TIAM1: variants seen among roughly 807,000 people sequenced by gnomAD.
TIAM1 encodes TIAM Rac1 associated GEF 1, also known as rho guanine nucleotide exchange factor TIAM1.
TIAM1 carries 65 observed loss-of-function variants against 163.5 expected under a neutral mutation model. That is an observed-to-expected ratio of 0.40 (90% confidence interval 0.33 to 0.49). TIAM1 has a LOEUF of 0.49. TIAM1 is among the 20% of genes least tolerant of loss of function. TIAM1 has a pLI of 0.77. For synonymous variants in TIAM1, 833 were observed against 810.1 expected, an observed-to-expected ratio of 1.03 and a Z score of -0.48; for missense variants, 1,789 against 2,044.7, an observed-to-expected ratio of 0.87 and a Z score of 2.41.
chr21:31,477,197 C>G (rs997836879), intron 1 of TIAM1, among the ~76,000 whole-genome samples: 1 of 152,164 alleles, frequency 6.6e-6, no homozygotes, highest in South Asian at 2.1e-4. Flanking sequence ...GAGGTTTCCA[C>G]AGTCTGTGAA....
chr21:31,266,393 T>C lies in TIAM1; in HGVS notation c.580A>G (p.Thr194Ala). Reference protein sequence around the residue: ...SLSDLSQEHLTSNEEILGSAE... With the variant: ...SLSDLSQEHLASNEEILGSAE... ...GAACCCAAGATTTCTTCGTTGCTTG[T>C]TAAATGTTCTTGGCTCAGATCAGAG... The change falls in exon 4 of 28, where the codon ACA becomes GCA. Residue 194 changes from threonine to alanine, a missense_variant. Transcript: ENST00000541036. The C allele has an allele frequency of 6.2e-7, 1 of 1,614,236 alleles. No homozygotes were observed. Among genetic ancestry groups the C allele is most frequent in the South Asian group, 1.1e-5 (1 of 91,080 alleles).
intron 2 of TIAM1, among the ~76,000 whole-genome samples, chr21:31,338,558 T>C (rs1033872930): frequency 2.0e-5 from 3 of 152,176 alleles, no homozygotes; most frequent in Non-Finnish European, 4.4e-5. Context: ...AACGTGACCG[T>C]TCCCACTTAG....
chr21:31,294,903 G>C (rs2074175629), intron 2 of TIAM1, among the ~76,000 whole-genome samples: 1 of 152,180 alleles, frequency 6.6e-6, no homozygotes, highest in Non-Finnish European at 1.5e-5. Flanking sequence ...CACCTGTTTG[G>C]TTCTGTTTCT....
chr21:31,272,020 T>A (rs933087992), intron 3 of TIAM1, among the ~76,000 whole-genome samples: 1 of 152,304 alleles, frequency 6.6e-6, no homozygotes, highest in East Asian at 1.9e-4. Context: ...CATAAACCCA[T>A]TGTAAGGTGA....
chr21:31,341,372 T>C (rs1435194075), intron 1 of TIAM1, among the ~76,000 whole-genome samples: 1 of 152,236 alleles, frequency 6.6e-6, no homozygotes, highest in Non-Finnish European at 1.5e-5. Context: ...GCATCCTTTC[T>C]GATATACTTA....
At chr21:31,418,942 C>A (rs1456312051) in intron 2 of TIAM1, among the ~76,000 whole-genome samples, 1 of 152,192 alleles carries the variant, frequency 6.6e-6, no homozygotes, top group Non-Finnish European at 1.5e-5. Context: ...CCAGCCCCCA[C>A]CGAGCGGTCT....
At chr21:31,394,641 A>G (rs1163528380) in intron 2 of TIAM1, among the ~76,000 whole-genome samples, 1 of 150,886 alleles carries the variant, frequency 6.6e-6, no homozygotes, top group Non-Finnish European at 1.5e-5. Flanking sequence ...TTTCCACCCA[A>G]TTTGGCTGGC....
chr21:31,259,139 C>CTTTTT (rs11381586), intron 4 of TIAM1, among the ~76,000 whole-genome samples: 2 of 150,246 alleles, frequency 1.3e-5, no homozygotes, highest in Non-Finnish European at 1.5e-5. Flanking sequence ...TTTTTTTTTC[C>CTTTTT]TTTTTCTTTT....
chr21:31,139,849 C>G (rs1388544954), intron 22 of TIAM1, among the ~76,000 whole-genome samples: 1 of 152,150 alleles, frequency 6.6e-6, no homozygotes, highest in Non-Finnish European at 1.5e-5. Context: ...TCTTTGAGAG[C>G]CTGTGCGATT....
At chr21:31,157,357 AC>A (rs1252584106) in intron 16 of TIAM1, among the ~76,000 whole-genome samples, 4 of 152,360 alleles carry the variant, frequency 2.6e-5, no homozygotes, top group East Asian at 1.9e-4. Flanking sequence ...GGCACCTCCT[AC>A]CATCATGCAG....
chr21:31,362,266 G>C (rs1487219210), intron 2 of TIAM1, among the ~76,000 whole-genome samples: 1 of 151,898 alleles, frequency 6.6e-6, no homozygotes, highest in Non-Finnish European at 1.5e-5. Flanking sequence ...TCTCTCTCTG[G>C]TGTCACTGGA....
At chr21:31,337,515 G>A (rs370452477) in intron 2 of TIAM1, among the ~76,000 whole-genome samples, 62 of 99,334 alleles carry the variant, frequency 6.2e-4, no homozygotes, top group African/African-American at 2.4e-3. Flanking sequence ...TATTATTATT[G>A]TTGTTATTAT....
chr21:31,255,949 C>G (rs192049010), intron 4 of TIAM1, among the ~76,000 whole-genome samples: 4 of 152,338 alleles, frequency 2.6e-5, no homozygotes, highest in Non-Finnish European at 5.9e-5. Flanking sequence ...TGCCATTCCA[C>G]TGGCAGCTTC....
chr21:31,528,811 T>C (rs1602496893), intron 1 of TIAM1, among the ~76,000 whole-genome samples: 2 of 93,780 alleles, frequency 2.1e-5, no homozygotes, highest in Non-Finnish European at 4.2e-5. Flanking sequence ...AATAAATAAA[T>C]AAATAAACAA....
chr21:31,557,510 G>C (rs1004725511), intron 1 of TIAM1, among the ~76,000 whole-genome samples: 2 of 152,170 alleles, frequency 1.3e-5, no homozygotes, highest in African/African-American at 4.8e-5. Flanking sequence ...AGAATAGCTC[G>C]GCCGGGATCA....
chr21:31,165,128 C>T, intron 15 of TIAM1, 63 bp from the exon 16 acceptor site: 1 of 1,482,336 alleles, frequency 6.7e-7, no homozygotes, highest in Non-Finnish European at 9.3e-7. Flanking sequence ...AAAGCCACCC[C>T]TGTGTGAGGG....
At chr21:31,485,748 C>A (rs2046251245) in intron 1 of TIAM1, among the ~76,000 whole-genome samples, 1 of 152,136 alleles carries the variant, frequency 6.6e-6, no homozygotes, top group African/African-American at 2.4e-5. Context: ...CCACCAACAG[C>A]CACTGGGTGC....
intron 2 of TIAM1, among the ~76,000 whole-genome samples, chr21:31,352,608 T>C (rs1459846225): frequency 6.7e-6 from 1 of 150,180 alleles, no homozygotes; most frequent in East Asian, 1.9e-4. Flanking sequence ...TCCCAGCACT[T>C]TGGGAAGCCG....
At chr21:31,558,037 G>C (rs922069471) in intron 1 of TIAM1, among the ~76,000 whole-genome samples, 7 of 152,146 alleles carry the variant, frequency 4.6e-5, no homozygotes, top group Non-Finnish European at 4.4e-5. Flanking sequence ...CTGACAGCGC[G>C]CAACAACTTC....
Sources: allele counts gnomAD v4.1 joint callset (sites outside exome capture counted in the v4.1 genomes callset), GRCh38; gene constraint gnomAD v4.1.1; transcripts MANE v1.5; gene names NCBI Gene and HGNC (gene_info 2026-07-23, HGNC 2026-07-21).